The following IDNK variants were observed in gnomAD, a reference collection of about 807,000 sequenced individuals.
IDNK encodes the protein gluconokinase.
Under a neutral mutation model 13.0 loss-of-function variants are expected in IDNK, and 9 were observed. That is an observed-to-expected ratio of 0.69 (90% CI 0.42 to 1.21). The LOEUF (loss-of-function observed/expected upper bound fraction) is 1.21. IDNK is among the 50% of genes most tolerant of loss of function. IDNK has a pLI of 0.00. For synonymous variants in IDNK, 92 were observed against 94.9 expected, an observed-to-expected ratio of 0.97 and a Z score of 0.18; for missense variants, 210 against 237.8, an observed-to-expected ratio of 0.88 and a Z score of 0.77.
intron 3 of IDNK, among the ~76,000 whole-genome samples, chr9:83,636,980 T>C (rs1488277011): frequency 6.6e-6 from 1 of 152,262 alleles, no homozygotes; most frequent in Non-Finnish European, 1.5e-5. Flanking sequence ...CTTGTTTCAC[T>C]ACATACACCT....
chr9:83,643,428 G>A lies in IDNK; in HGVS notation c.213-1G>A. ...TCTTTTTTTTTTCTTTTTCTAAACA[G>A]AGATGTAGCCTCGGGACAGCGTGTG... On this transcript the variant is annotated splice_acceptor_variant, in intron 4 of 4. Transcript: ENST00000376419. LOFTEE classifies it high-confidence loss of function. 1.3e-6 allele frequency: 2 copies of A among 1,579,236 alleles called. No individual in the cohort carries two copies. Among genetic ancestry groups the A allele is most frequent in the Non-Finnish European group, 1.7e-6 (2 of 1,162,080 alleles).
intron 3 of IDNK, among the ~76,000 whole-genome samples, chr9:83,630,309 G>A (rs1830975835): frequency 6.6e-6 from 1 of 152,150 alleles, no homozygotes; most frequent in Non-Finnish European, 1.5e-5. Flanking sequence ...CTATAAAAGA[G>A]AGTAATAATA....
intron 3 of IDNK, among the ~76,000 whole-genome samples, chr9:83,636,074 T>C (rs976052384): frequency 4.6e-5 from 7 of 152,200 alleles, no homozygotes; most frequent in African/African-American, 1.4e-4. Context: ...AGCAGTATTA[T>C]CTTTTTCATC....
At chr9:83,624,809 G>T (rs1300880477) in intron 1 of IDNK, among the ~76,000 whole-genome samples, 2 of 152,240 alleles carry the variant, frequency 1.3e-5, no homozygotes, top group Middle Eastern at 6.8e-3. Context: ...CTCCTCCCGG[G>T]TTCAAGCAAT....
chr9:83,643,320 T>G (rs1007608702), intron 4 of IDNK, 109 bp from the exon 5 acceptor site: 2 of 809,458 alleles, frequency 2.5e-6, no homozygotes, highest in African/African-American at 3.5e-5. Flanking sequence ...TTCTAATGCC[T>G]TCCACTGGCA....
intron 3 of IDNK, among the ~76,000 whole-genome samples, chr9:83,635,077 T>C (rs1269524124): frequency 1.3e-5 from 2 of 152,222 alleles, no homozygotes; most frequent in Admixed American, 1.3e-4. Context: ...CAGAGACTTC[T>C]ACAATGACAA....
At chr9:83,641,090 AAT>A (rs1186850533) in intron 3 of IDNK, among the ~76,000 whole-genome samples, 1 of 152,176 alleles carries the variant, frequency 6.6e-6, no homozygotes, top group Non-Finnish European at 1.5e-5. Flanking sequence ...CTTTGGCAAA[AAT>A]ATAAATTTCT....
chr9:83,633,027 C>T (rs1831065340), intron 3 of IDNK, among the ~76,000 whole-genome samples: 3 of 152,222 alleles, frequency 2.0e-5, no homozygotes, highest in African/African-American at 7.2e-5. Flanking sequence ...AAGATTTACT[C>T]TTTCCAAGGC....
At chr9:83,639,553 A>C (rs1332148966) in intron 3 of IDNK, among the ~76,000 whole-genome samples, 1 of 152,248 alleles carries the variant, frequency 6.6e-6, no homozygotes, top group East Asian at 1.9e-4. Context: ...GAGACTCATC[A>C]AGAAGAAAGC....
At chr9:83,623,074 T>G, upstream of IDNK, 1 of 975,970 alleles carries the variant, frequency 1.0e-6, no homozygotes, top group Non-Finnish European at 1.4e-6. Context: ...CGGCCCTCAC[T>G]GCCCCGGCCG....
At chr9:83,641,822 C>T (rs1831318092) in intron 4 of IDNK, among the ~76,000 whole-genome samples, 1 of 152,242 alleles carries the variant, frequency 6.6e-6, no homozygotes, top group Admixed American at 6.5e-5. Flanking sequence ...CACACAGTTA[C>T]TAGCTAGCAG....
chr9:83,643,401 CCT>C (rs1436915544), intron 4 of IDNK, 26 bp from the exon 5 acceptor site: 13 of 1,541,958 alleles, frequency 8.4e-6, no homozygotes, highest in South Asian at 1.2e-5. Flanking sequence ...CTTTAGCCTC[CCT>C]CTTTTTTTTT....
intron 2 of IDNK, among the ~76,000 whole-genome samples, chr9:83,628,632 C>T (rs531868567): frequency 6.9e-6 from 1 of 145,530 alleles, no homozygotes; most frequent in African/African-American, 2.5e-5. Flanking sequence ...AGCCTGGTGA[C>T]AGAGTGAGAC....
At chr9:83,639,299 T>C (rs774812813) in intron 3 of IDNK, among the ~76,000 whole-genome samples, 1 of 152,194 alleles carries the variant, frequency 6.6e-6, no homozygotes, top group Non-Finnish European at 1.5e-5. Flanking sequence ...TGGGATGCAG[T>C]TACAACATTA....
chr9:83,623,302 G>C lies in IDNK; in HGVS notation c.50+81G>C, dbSNP rs773909402. ...GGCCGGACGCGTCGCCGTCCCTGCC[G>C]GTGGACTGGGGTCTTGGGGACCCCC... On this transcript the variant is annotated intron_variant, in intron 1 of 4. Coordinates refer to ENST00000376419, the MANE Select transcript of IDNK (RefSeq NM_001001551.4). 1.1e-3 allele frequency: 1,370 copies of C among 1,232,910 alleles called. 2 individuals carry two copies. Among genetic ancestry groups the C allele is most frequent in the Non-Finnish European group, 1.2e-3 (1,130 of 936,430 alleles). The allele number at this position is 1,232,910 out of a possible 1,614,324, so 76.4% of individuals were successfully genotyped here. A position where few individuals can be genotyped will look rare whatever the true frequency, so the allele number is the denominator to read the frequency against.
At chr9:83,641,657 A>C in intron 4 of IDNK, 66 bp downstream of exon 4, 1 of 1,527,798 alleles carries the variant, frequency 6.5e-7, no homozygotes, top group South Asian at 1.1e-5. Context: ...CAGAAAAGAC[A>C]GGGAAAAAAA....
At chr9:83,631,070 G>C (rs1830997064) in intron 3 of IDNK, among the ~76,000 whole-genome samples, 1 of 152,098 alleles carries the variant, frequency 6.6e-6, no homozygotes, top group Non-Finnish European at 1.5e-5. Context: ...TGAAGATATG[G>C]GTCACAGCTG....
At chr9:83,630,891 C>G (rs1435317839) in intron 3 of IDNK, among the ~76,000 whole-genome samples, 1 of 151,856 alleles carries the variant, frequency 6.6e-6, no homozygotes, top group Non-Finnish European at 1.5e-5. Flanking sequence ...CTGGAAGAGA[C>G]ACAAGTTACT....
intron 1 of IDNK, among the ~76,000 whole-genome samples, chr9:83,625,416 G>A (rs1403822629): frequency 1.3e-5 from 2 of 152,234 alleles, no homozygotes; most frequent in African/African-American, 4.8e-5. Context: ...AGATCTAACT[G>A]TGGGAATCAC....
Sources: allele counts gnomAD v4.1 joint callset (sites outside exome capture counted in the v4.1 genomes callset), GRCh38; gene constraint gnomAD v4.1.1; transcripts MANE v1.5; gene names NCBI Gene and HGNC (gene_info 2026-07-23, HGNC 2026-07-21).